The following ADAMTSL1 variants were observed in gnomAD, a reference collection of about 807,000 sequenced individuals.
The protein encoded by ADAMTSL1 is ADAMTS like 1.
A neutral mutation model predicts 201.8 loss-of-function variants in ADAMTSL1; 126 were observed. That is an observed-to-expected ratio of 0.62 (90% confidence interval 0.54 to 0.72). The LOEUF (loss-of-function observed/expected upper bound fraction) is 0.72. Ranked by LOEUF, ADAMTSL1 falls within the 30% of genes least tolerant of loss-of-function variation. The pLI is 0.00. For synonymous variants in ADAMTSL1, 1,121 were observed against 903.4 expected (o/e 1.24, Z -4.32); for missense variants, 2,679 against 2,277.8 (o/e 1.18, Z -3.59).
chr9:18,213,875 G>T (rs1829970249), intron 2 of ADAMTSL1, among the ~76,000 whole-genome samples: 1 of 152,060 alleles, frequency 6.6e-6, no homozygotes, highest in Admixed American at 6.6e-5. Flanking sequence ...GAGTAGCTGG[G>T]ATTACACGCC....
intron 4 of ADAMTSL1, among the ~76,000 whole-genome samples, chr9:18,585,725 A>G (rs991796751): frequency 2.6e-5 from 4 of 152,038 alleles, no homozygotes; most frequent in Non-Finnish European, 5.9e-5. Context: ...GGCAAACCCA[A>G]TTTAGCATCA....
chr9:18,132,553 C>A (rs1348869179), intron 1 of ADAMTSL1, among the ~76,000 whole-genome samples: 2 of 152,162 alleles, frequency 1.3e-5, no homozygotes, highest in African/African-American at 2.4e-5. Context: ...CAACCACAAC[C>A]TAGATGGGTT....
At chr9:18,078,241 T>C (rs904063007) in intron 1 of ADAMTSL1, among the ~76,000 whole-genome samples, 1 of 152,190 alleles carries the variant, frequency 6.6e-6, no homozygotes, top group African/African-American at 2.4e-5. Flanking sequence ...TCTCCCATTG[T>C]GCCTTTTATA....
intron 21 of ADAMTSL1, among the ~76,000 whole-genome samples, 177 bp downstream of exon 21, chr9:18,817,414 A>C (rs897000028): frequency 1.3e-5 from 2 of 152,252 alleles, no homozygotes; most frequent in African/African-American, 4.8e-5. Flanking sequence ...AGAGGAAGAA[A>C]GATTAATTCT....
chr9:18,294,829 T>A (rs563689255), intron 2 of ADAMTSL1, among the ~76,000 whole-genome samples: 8 of 152,314 alleles, frequency 5.3e-5, no homozygotes, highest in African/African-American at 1.7e-4. Flanking sequence ...AACAAGTGTT[T>A]TATGGGAATC....
intron 15 of ADAMTSL1, among the ~76,000 whole-genome samples, chr9:18,732,051 A>T (rs550879186): frequency 6.6e-6 from 1 of 152,216 alleles, no homozygotes; most frequent in African/African-American, 2.4e-5. Context: ...AATTATCCCA[A>T]CCACAGAGCA....
At chr9:18,733,352 A>G (rs1818321268) in intron 15 of ADAMTSL1, among the ~76,000 whole-genome samples, 2 of 152,214 alleles carry the variant, frequency 1.3e-5, no homozygotes, top group South Asian at 4.1e-4. Flanking sequence ...TAAAAAATTC[A>G]TTAGAGTACA....
intron 1 of ADAMTSL1, among the ~76,000 whole-genome samples, chr9:17,969,025 A>C (rs1818094684): frequency 6.6e-6 from 1 of 151,962 alleles, no homozygotes; most frequent in Non-Finnish European, 1.5e-5. Context: ...TGTATGATAA[A>C]AATTTCCTCC....
intron 2 of ADAMTSL1, among the ~76,000 whole-genome samples, chr9:18,401,805 G>A (rs371830004): frequency 2.6e-5 from 4 of 152,092 alleles, no homozygotes; most frequent in Middle Eastern, 3.2e-3. Flanking sequence ...GAAGCTGTTC[G>A]CGTGATCTCA....
intron 21 of ADAMTSL1, among the ~76,000 whole-genome samples, chr9:18,819,482 A>C (rs1824077383): frequency 6.6e-6 from 1 of 151,656 alleles, no homozygotes; most frequent in Admixed American, 6.6e-5. Flanking sequence ...TAGGGGAGGA[A>C]AGTGCAGCAA....
At chr9:18,578,947 A>T (rs889310845) in intron 4 of ADAMTSL1, among the ~76,000 whole-genome samples, 2 of 151,030 alleles carry the variant, frequency 1.3e-5, no homozygotes, top group African/African-American at 4.9e-5. Context: ...GATATCTCAT[A>T]GTGGTTTTGA....
At chr9:18,316,989 G>A (rs1190971369) in intron 2 of ADAMTSL1, among the ~76,000 whole-genome samples, 1 of 152,194 alleles carries the variant, frequency 6.6e-6, no homozygotes, top group East Asian at 1.9e-4. Context: ...AGTGTCCATG[G>A]ATGGATGAGT....
Position 18,657,663 on chromosome 9 carries a change from A to G in ADAMTSL1, c.859A>G (p.Ser287Gly). 2 of 1,614,208 alleles carry G rather than the reference A, an allele frequency of 1.2e-6. No individual in the cohort carries two copies. Among genetic ancestry groups the G allele is most frequent in the Non-Finnish European group, 8.5e-7 (1 of 1,180,020 alleles). The part of the protein sequence containing the change: ...VKIRNSGSAD[S>G]TVQFIFYQPI... ...GATTCGTAACTCGGGCTCCGCTGAC[A>G]GTACAGTCCAGTTCATCTTCTATCA... Residue 287 changes from serine (S) to glycine (G), a missense_variant, in exon 8 of 29, where the codon AGT becomes GGT. Transcript: ENST00000380548.
At chr9:18,903,548 G>A (rs1298973969) in intron 26 of ADAMTSL1, among the ~76,000 whole-genome samples, 1 of 152,086 alleles carries the variant, frequency 6.6e-6, no homozygotes, top group African/African-American at 2.4e-5. Context: ...CATAATTTGT[G>A]GGGCCCAGTG....
intron 26 of ADAMTSL1, among the ~76,000 whole-genome samples, chr9:18,898,796 C>A (rs1829821858): frequency 6.6e-6 from 1 of 152,254 alleles, no homozygotes; most frequent in African/African-American, 2.4e-5. Flanking sequence ...TGAAGGAACA[C>A]ACCTCAAAAT....
chr9:18,294,643 G>A (rs966846953), intron 2 of ADAMTSL1, among the ~76,000 whole-genome samples: 3 of 152,192 alleles, frequency 2.0e-5, no homozygotes, highest in Non-Finnish European at 2.9e-5. Flanking sequence ...GGGAATGCTT[G>A]AGCCCTTTCT....
intron 4 of ADAMTSL1, among the ~76,000 whole-genome samples, chr9:18,598,393 G>C (rs1227759605): frequency 6.6e-6 from 1 of 152,096 alleles, no homozygotes; most frequent in Non-Finnish European, 1.5e-5. Flanking sequence ...AAGTGAGAAT[G>C]CTTTTTATGT....
At chr9:18,206,878 A>G (rs1010752655) in intron 2 of ADAMTSL1, among the ~76,000 whole-genome samples, 3 of 152,084 alleles carry the variant, frequency 2.0e-5, no homozygotes, top group African/African-American at 7.2e-5. Context: ...AAGAAAGTGG[A>G]GTGGGCTTGG....
intron 1 of ADAMTSL1, among the ~76,000 whole-genome samples, chr9:17,999,023 G>A (rs10963386): frequency 0.28 from 42,686 of 151,804 alleles, 6,143 homozygotes; most frequent in South Asian, 0.33. Flanking sequence ...CCTCTCTTTG[G>A]GGAAAACATT....
Sources: gnomAD v4.1 joint callset for allele counts (sites outside exome capture counted in the v4.1 genomes callset) on GRCh38, gnomAD v4.1.1 for gene constraint, MANE v1.5 for transcripts, NCBI Gene and HGNC (gene_info 2026-07-23, HGNC 2026-07-21) for gene names.